TBC1D14: variants seen among roughly 807,000 people sequenced by gnomAD.
TBC1D14 encodes the protein TBC1 domain family member 14.
In TBC1D14, 26 loss-of-function variants were observed where a neutral mutation model predicts 79.0. The ratio of observed to expected loss-of-function variants is 0.33; its 90% CI spans 0.24 to 0.46. TBC1D14 has a LOEUF of 0.46. TBC1D14 is among the 20% of genes least tolerant of loss of function. TBC1D14 has a pLI of 1.00. For missense variants in TBC1D14, 769 were observed against 887.6 expected (o/e 0.87, Z 1.70); for synonymous variants, 394 against 349.9 (o/e 1.13, Z -1.40).
rs375711999 is a variant in TBC1D14, at chr4:6,967,277, C to T, written c.723-27C>T. The T allele has an allele frequency of 2.2e-5, 35 of 1,610,862 alleles. No individual in the cohort carries two copies. The African/African-American group carries it at 3.8e-4, about 17-fold the overall frequency. Reference sequence around the variant, plus strand: ...TGTTTCTTGAATTACCCAGAAATGCCCTAACCTTGTTATTTTCTTCCTATA... The same window carrying T: ...TGTTTCTTGAATTACCCAGAAATGCTCTAACCTTGTTATTTTCTTCCTATA... On this transcript the variant is annotated intron_variant, in intron 2 of 13. Transcript: ENST00000409757.
At position 6,923,468 on chromosome 4, in the gene TBC1D14, C is replaced by T. The variant is rs1724021418; in HGVS notation, c.79C>T (p.Leu27Phe). 1.9e-6 allele frequency: 3 copies of T among 1,614,106 alleles called. No homozygotes were observed. Among genetic ancestry groups the T allele is most frequent in the African/African-American group, 1.3e-5 (1 of 74,950 alleles). ...TCTGGATGGTCGACCAGGAAACCCC[C>T]TTCAGAACCTGCAACACGTCAATCT... ...GILDGRPGNP[L>F]QNLQHVNLKA... The change falls in exon 2 of 14, where the codon CTT (leucine) becomes TTT (phenylalanine). Residue 27 changes from leucine (L) to phenylalanine (F), a missense_variant. Leu to Phe is a conservative substitution (Grantham distance 22). This residue lies in a region of TBC1D14 where 402 missense variants were observed against 393.2 expected (regional missense o/e 1.02). Coordinates refer to ENST00000409757, the MANE Select transcript of TBC1D14 (RefSeq NM_020773.3).
At chr4:6,941,865 T>A (rs774932650) in intron 2 of TBC1D14, among the ~76,000 whole-genome samples, 3 of 152,134 alleles carry the variant, frequency 2.0e-5, no homozygotes, top group Non-Finnish European at 2.9e-5. Context: ...GCTCCAGGTG[T>A]GTGTTTAGGT....
At chr4:6,975,298 TC>T (rs1430909809) in intron 3 of TBC1D14, among the ~76,000 whole-genome samples, 1 of 152,126 alleles carries the variant, frequency 6.6e-6, no homozygotes, top group African/African-American at 2.4e-5. Context: ...AACATCTGCC[TC>T]CCAGGCTCAA....
intron 3 of TBC1D14, chr4:6,987,529 C>T: frequency 2.1e-6 from 1 of 487,084 alleles, no homozygotes; most frequent in Admixed American, 4.4e-5. Context: ...ACAGCCGAAG[C>T]TTGCTGTGCA....
In TBC1D14 at chr4:7,005,506, G is replaced by T. The variant is rs112358849; in HGVS notation, c.1351+582G>T. On this transcript the variant is annotated intron_variant, in intron 8 of 13. Coordinates refer to ENST00000409757, the MANE Select transcript of TBC1D14 (RefSeq NM_020773.3). Reference sequence around the variant, plus strand: ...GCCAAGACCGTGCCACTGCATTCCAGCCTGGGTAACAGAGTGAGACTCTGT... The same window carrying T: ...GCCAAGACCGTGCCACTGCATTCCATCCTGGGTAACAGAGTGAGACTCTGT... Among the ~76,000 whole-genome samples, 1,516 of 152,210 alleles carry T rather than the reference G, an allele frequency of 1.0e-2. 25 individuals are homozygous for T. The highest frequency in any genetic ancestry group is 0.035 in the African/African-American group (1,435 of 41,510).
chr4:6,922,755 G>A (rs1723964951), intron 1 of TBC1D14, among the ~76,000 whole-genome samples: 1 of 152,008 alleles, frequency 6.6e-6, no homozygotes, highest in Admixed American at 6.6e-5. Context: ...AAACCCAACC[G>A]CCGCCCCCCA....
intron 5 of TBC1D14, chr4:6,998,861 T>C: frequency 2.0e-6 from 1 of 499,192 alleles, no homozygotes; most frequent in Non-Finnish European, 3.6e-6. Context: ...TTCTTCTTTG[T>C]GTACTTTCCT....
At chr4:6,910,223 G>C (rs1722861530) in intron 1 of TBC1D14, 1 of 151,910 alleles carries the variant, frequency 6.6e-6, no homozygotes, top group African/African-American at 2.4e-5. Flanking sequence ...CGCGCGCTGT[G>C]TCCCGCTCCT....
intron 3 of TBC1D14, among the ~76,000 whole-genome samples, chr4:6,991,133 G>A (rs2109140575): frequency 6.6e-6 from 1 of 152,328 alleles, no homozygotes; most frequent in South Asian, 2.1e-4. Context: ...GAGCAGGCTA[G>A]GCCACCTGTG....
chr4:6,965,758 C>T (rs1430230156), intron 2 of TBC1D14, among the ~76,000 whole-genome samples: 1 of 152,200 alleles, frequency 6.6e-6, no homozygotes, highest in Non-Finnish European at 1.5e-5. Context: ...TCAGGTGAGT[C>T]TCAAACTCTT....
chr4:6,978,159 G>C (rs1390860401), intron 3 of TBC1D14, among the ~76,000 whole-genome samples: 4 of 146,594 alleles, frequency 2.7e-5, no homozygotes, highest in African/African-American at 7.6e-5. Flanking sequence ...CCGTCCGGGA[G>C]GTGAGGGGCG....
rs1023049664 is a variant in TBC1D14 at position 6,992,163 on chromosome 4, G to A, written c.844-2021G>A. Among the ~76,000 whole-genome samples, 3 of 152,206 alleles carry A rather than the reference G, an allele frequency of 2.0e-5. No individual in the cohort carries two copies. In the South Asian group the frequency reaches 6.2e-4, roughly 32 times the overall value. ...TGAGGCAGGCGGGGTTTCCCATTTT[G>A]CAGATGTGGAAAGAAGGCTTAGGGA... On this transcript the variant is annotated intron_variant, in intron 3 of 13. Transcript: ENST00000409757.
At chr4:6,976,047 C>T (rs1213147652) in intron 3 of TBC1D14, among the ~76,000 whole-genome samples, 4 of 152,186 alleles carry the variant, frequency 2.6e-5, no homozygotes, top group Non-Finnish European at 4.4e-5. Context: ...GAGCCGAGAT[C>T]GTGCCACTGC....
chr4:6,949,042 C>T (rs537659877), intron 2 of TBC1D14, among the ~76,000 whole-genome samples: 38 of 151,558 alleles, frequency 2.5e-4, no homozygotes, highest in Admixed American at 1.7e-3. Flanking sequence ...GGCGTGGTGG[C>T]GCACACCTGT....
intron 2 of TBC1D14, among the ~76,000 whole-genome samples, chr4:6,940,247 C>T (rs74886563): frequency 0.035 from 5,337 of 152,306 alleles, 285 homozygotes; most frequent in African/African-American, 0.11. Flanking sequence ...CCCCGTTGGG[C>T]GGCTCAGATT....
chr4:6,919,019 G>A (rs569994501), intron 1 of TBC1D14, among the ~76,000 whole-genome samples: 2 of 152,288 alleles, frequency 1.3e-5, no homozygotes, highest in African/African-American at 4.8e-5. Flanking sequence ...GAAGAGCAGC[G>A]AGGGCTGTGA....
intron 12 of TBC1D14, among the ~76,000 whole-genome samples, chr4:7,017,504 A>G (rs1184996878): frequency 6.6e-6 from 1 of 152,208 alleles, no homozygotes; most frequent in Non-Finnish European, 1.5e-5. Flanking sequence ...CTCAGGTTCC[A>G]GAGACAGGAA....
At chr4:6,910,183 A>C (rs1722857472) in intron 1 of TBC1D14, 1 of 150,454 alleles carries the variant, frequency 6.6e-6, no homozygotes, top group East Asian at 2.0e-4. Context: ...GGCGGGGGCG[A>C]CTCTCGGGAC....
At chr4:6,984,095 G>T (rs1444041570) in intron 3 of TBC1D14, among the ~76,000 whole-genome samples, 1 of 152,090 alleles carries the variant, frequency 6.6e-6, no homozygotes, top group Non-Finnish European at 1.5e-5. Context: ...GGGGTGAGAG[G>T]GGTCTCAGGC....
Sources: allele counts gnomAD v4.1 joint callset (sites outside exome capture counted in the v4.1 genomes callset), GRCh38; gene constraint gnomAD v4.1.1; regional missense constraint gnomAD v4.1.1; transcripts MANE v1.5; gene names NCBI Gene and HGNC (gene_info 2026-07-23, HGNC 2026-07-21).